Variants in NAALAD2 observed in about 807,000 individuals in gnomAD.
NAALAD2 encodes N-acetylated alpha-linked acidic dipeptidase 2.
Under a neutral mutation model 95.6 loss-of-function variants are expected in NAALAD2, and 89 were observed. The observed-to-expected ratio is 0.93, with a 90% CI of 0.78 to 1.11. NAALAD2 has a LOEUF of 1.11. Ranked by LOEUF, NAALAD2 falls within the 50% of genes least tolerant of loss-of-function variation. The pLI, the probability that NAALAD2 is intolerant of heterozygous loss-of-function variation, is 0.00. For synonymous variants in NAALAD2, 264 were observed against 294.4 expected (o/e 0.90, Z 1.06); for missense variants, 894 against 872.4 (o/e 1.02, Z -0.31).
intron 2 of NAALAD2, among the ~76,000 whole-genome samples, chr11:90,143,497 C>A (rs1256595576): frequency 6.6e-6 from 1 of 152,096 alleles, no homozygotes; most frequent in Non-Finnish European, 1.5e-5. Context: ...TGATTTTCAG[C>A]AGTTTTACTA....
At chr11:90,181,798 C>T (rs905521151) in intron 17 of NAALAD2, 97 bp downstream of exon 17, 5 of 753,414 alleles carry the variant, frequency 6.6e-6, no homozygotes, top group South Asian at 1.9e-5. Flanking sequence ...ACCTCTAAAT[C>T]ACTACTATTC....
chr11:90,185,352 G>A (rs934501410), intron 18 of NAALAD2, among the ~76,000 whole-genome samples: 4 of 151,788 alleles, frequency 2.6e-5, no homozygotes, highest in Admixed American at 2.0e-4. Context: ...GGGACCATAC[G>A]TTACAATTTT....
chr11:90,150,279 T>G (rs1241562003), intron 4 of NAALAD2, among the ~76,000 whole-genome samples: 6 of 152,026 alleles, frequency 3.9e-5, no homozygotes, highest in African/African-American at 1.4e-4. Context: ...TAAATAACTC[T>G]TATACATTGT....
chr11:90,176,394 G>A (rs558308005), intron 15 of NAALAD2, among the ~76,000 whole-genome samples: 10 of 152,264 alleles, frequency 6.6e-5, no homozygotes, highest in East Asian at 3.9e-4. Flanking sequence ...AGGCTCTGAT[G>A]TACTTTTCAT....
rs1347813178 is a variant in NAALAD2, at chr11:90,186,756, A to G, written c.2033+3748A>G. Among the ~76,000 whole-genome samples, 6 of 146,414 alleles carry G rather than the reference A, an allele frequency of 4.1e-5. No individual in the cohort carries two copies. The East Asian group carries it at 1.2e-3, about 29-fold the overall frequency. On this transcript the variant is annotated intron_variant, in intron 18 of 18. Transcript: ENST00000534061. ...AAACCTAGGCATTACCATTCAGGAC[A>G]TAGGCATGGGCAAGGACTTCATGTC...
rs531807199 is a variant in NAALAD2 at position 90,170,289 on chromosome 11, C to T, written c.1410+153C>T. ...AACAAAATCTTTAATATGCCATTTA[C>T]CTATATGACATAACTAAGAAGATAT... On this transcript the variant is annotated intron_variant, in intron 13 of 18. Coordinates refer to ENST00000534061, the MANE Select transcript of NAALAD2 (RefSeq NM_005467.4). Among the ~76,000 whole-genome samples the T allele has an allele frequency of 2.6e-5, 4 of 152,234 alleles. No individual in the cohort carries two copies. The South Asian group carries it at 8.3e-4, about 32-fold the overall frequency.
At position 90,135,395 on chromosome 11, in the gene NAALAD2, GGTTT is replaced by G. The variant is rs1305344898; in HGVS notation, c.83-163_83-160del. On this transcript the variant is annotated intron_variant, in intron 1 of 18. Transcript: ENST00000534061. Reference sequence around the variant, plus strand: ...ATTATATTACATATCAGAATTTACAGGTTTTCTGCATTTAATATAAACATTATTT... The same window carrying G: ...ATTATATTACATATCAGAATTTACAGTCTGCATTTAATATAAACATTATTT... Among the ~76,000 whole-genome samples the G allele has an allele frequency of 5.9e-5, 9 of 152,186 alleles. No individual in the cohort carries two copies. In the East Asian group the frequency reaches 9.7e-4, roughly 16 times the overall value.
intron 2 of NAALAD2, among the ~76,000 whole-genome samples, chr11:90,136,157 C>T (rs1242399979): frequency 6.6e-6 from 1 of 152,058 alleles, no homozygotes; most frequent in African/African-American, 2.4e-5. Flanking sequence ...AGAATCATTG[C>T]CATTCCTCCA....
At chr11:90,176,593 C>T (rs1952799992) in intron 15 of NAALAD2, among the ~76,000 whole-genome samples, 1 of 152,134 alleles carries the variant, frequency 6.6e-6, no homozygotes. Context: ...GACTGGTTTG[C>T]ACTACTGTCA....
At chr11:90,155,785 T>C (rs1304663683) in intron 6 of NAALAD2, among the ~76,000 whole-genome samples, 1 of 135,128 alleles carries the variant, frequency 7.4e-6, no homozygotes, top group Non-Finnish European at 1.5e-5. Context: ...ATATGTATTA[T>C]TACATACATA....
intron 15 of NAALAD2, among the ~76,000 whole-genome samples, chr11:90,177,124 T>C (rs1029778018): frequency 1.3e-5 from 2 of 152,034 alleles, no homozygotes; most frequent in African/African-American, 4.8e-5. Context: ...AAAACTAAAA[T>C]TAGAAAAGGC....
At chr11:90,164,753 A>G (rs1008744796) in intron 11 of NAALAD2, among the ~76,000 whole-genome samples, 5 of 152,098 alleles carry the variant, frequency 3.3e-5, no homozygotes, top group Non-Finnish European at 7.4e-5. Context: ...TTTCACATGT[A>G]TATCATTTTG....
intron 14 of NAALAD2, 44 bp from the exon 15 acceptor site, chr11:90,175,928 A>ATATGTGTGTG (rs1555125279): frequency 2.1e-6 from 2 of 972,722 alleles, no homozygotes; most frequent in Non-Finnish European, 3.3e-6. Context: ...TTACTTGTTT[A>ATATGTGTGTG]TGTGTGTGTG....
rs775425061 is a variant in NAALAD2, at chr11:90,158,238, G to A, written c.890G>A (p.Arg297His). 3.1e-6 allele frequency: 5 copies of A among 1,598,540 alleles called. No homozygotes were observed. The highest frequency in any genetic ancestry group is 1.7e-4 in the Middle Eastern group (1 of 6,050). The stretch of plus-strand genomic sequence containing the variant: ...TATAATGATGCAGAAATATTATTAC[G>A]GTATAGTTTTCTTGTTGGATATGAG... The part of the protein sequence containing the change: ...IGYNDAEILL[R>H]YLGGIAPPDK... Residue 297 changes from arginine to histidine, a missense_variant and splice_region_variant, in exon 7 of 19, where the codon CGC becomes CAC. Coordinates refer to ENST00000534061, the MANE Select transcript of NAALAD2 (RefSeq NM_005467.4).
In NAALAD2 at chr11:90,147,467, A is replaced by G. The variant is rs754739862; in HGVS notation, c.332A>G (p.Asn111Ser). Reference protein sequence around the residue: ...VHYDVLLSYPNETNANYISIV... With the variant: ...VHYDVLLSYPSETNANYISIV... ...TATGATGTCCTCTTATCTTACCCCA[A>G]TGAGACAAATGCCAACTATATATCG... Residue 111 changes from asparagine to serine, a missense_variant, in exon 3 of 19, where the codon AAT becomes AGT. Asn to Ser is a conservative substitution (Grantham distance 46, BLOSUM62 1). Coordinates refer to ENST00000534061, the MANE Select transcript of NAALAD2 (RefSeq NM_005467.4). The G allele has an allele frequency of 5.6e-6, 9 of 1,613,382 alleles. No individual in the cohort carries two copies. Among genetic ancestry groups the G allele is most frequent in the Middle Eastern group, 1.7e-4 (1 of 6,052 alleles).
At chr11:90,141,498 T>A (rs1951613621) in intron 2 of NAALAD2, among the ~76,000 whole-genome samples, 1 of 152,234 alleles carries the variant, frequency 6.6e-6, no homozygotes, top group Non-Finnish European at 1.5e-5. Context: ...TGTGTTTTAA[T>A]TTCAATTTCC....
At chr11:90,147,003 C>G (rs2134853540) in intron 2 of NAALAD2, among the ~76,000 whole-genome samples, 1 of 152,078 alleles carries the variant, frequency 6.6e-6, no homozygotes, top group South Asian at 2.1e-4. Flanking sequence ...TGTCTCTGTT[C>G]TCTGACAAAC....
chr11:90,175,372 T>C (rs1173175571), intron 14 of NAALAD2, among the ~76,000 whole-genome samples: 4 of 152,218 alleles, frequency 2.6e-5, no homozygotes, highest in African/African-American at 9.6e-5. Context: ...CAATTTTATA[T>C]TCTGCTTTCA....
At chr11:90,160,277 G>A (rs980457250) in intron 8 of NAALAD2, among the ~76,000 whole-genome samples, 4 of 152,198 alleles carry the variant, frequency 2.6e-5, no homozygotes, top group Admixed American at 1.3e-4. Flanking sequence ...CTTGTACAGA[G>A]TAGTTGAACA....
Sources: gnomAD v4.1 joint callset for allele counts (sites outside exome capture counted in the v4.1 genomes callset) on GRCh38, gnomAD v4.1.1 for gene constraint, MANE v1.5 for transcripts, NCBI Gene and HGNC (gene_info 2026-07-23, HGNC 2026-07-21) for gene names.